The following BEND2 variants were observed in gnomAD, a reference collection of about 807,000 sequenced individuals.
BEND2 encodes BEN domain-containing protein 2.
In BEND2, 19 loss-of-function variants were observed where a neutral mutation model predicts 43.8. That is an observed-to-expected ratio of 0.43 (90% CI 0.30 to 0.64). The LOEUF (loss-of-function observed/expected upper bound fraction) is 0.64. Ranked by LOEUF, BEND2 falls within the 30% of genes least tolerant of loss-of-function variation. BEND2 has a pLI of 0.11. For synonymous variants in BEND2, 226 were observed against 210.1 expected (o/e 1.08, Z -0.66); for missense variants, 544 against 574.0 (o/e 0.95, Z 0.53).
chrX:18,220,815 T>C lies in BEND2; in HGVS notation c.-65A>G, dbSNP rs1043892379. The C allele has an allele frequency of 1.4e-5, 16 of 1,114,702 alleles. No individual in the cohort carries two copies. The South Asian group carries it at 3.2e-4, about 22-fold the overall frequency. The allele number at this position is 1,114,702 out of a possible 1,213,427, so 91.9% of individuals were successfully genotyped here. On this transcript the variant is annotated 5_prime_UTR_variant, in exon 1 of 14. Transcript: ENST00000380033. ...AGGCCCGAGACCTGAGGCCTACGTC[T>C]GCGCCGCGGCTCTGAGGTAACTGCT...
intron 4 of BEND2, among the ~76,000 whole-genome samples, chrX:18,210,535 C>T (rs766924301): frequency 4.5e-4 from 51 of 112,123 alleles, no homozygotes; most frequent in African/African-American, 1.5e-3. Context: ...ACTTAAGACA[C>T]CATTTTCATC....
At chrX:18,200,520 A>AAAG (rs1569124150) in intron 6 of BEND2, among the ~76,000 whole-genome samples, 2 of 109,106 alleles carry the variant, frequency 1.8e-5, no homozygotes, top group African/African-American at 6.7e-5. Context: ...AAAAAAAAAA[A>AAAG]AAGAAGAAAA....
At chrX:18,168,563 T>C (rs1923882491) in intron 13 of BEND2, among the ~76,000 whole-genome samples, 1 of 111,248 alleles carries the variant, frequency 9.0e-6, no homozygotes, top group South Asian at 3.8e-4. Context: ...GTATTTCCTA[T>C]AGCTAAGATT....
At chrX:18,185,279 A>G (rs1162965700) in intron 8 of BEND2, among the ~76,000 whole-genome samples, 1 of 109,226 alleles carries the variant, frequency 9.2e-6, no homozygotes, top group Non-Finnish European at 1.9e-5. Context: ...CTGCAATCCT[A>G]ACACTTTGGG....
chrX:18,189,379 C>T (rs1312151252), intron 8 of BEND2, among the ~76,000 whole-genome samples: 5 of 110,169 alleles, frequency 4.5e-5, no homozygotes, highest in African/African-American at 9.9e-5. Context: ...GCATGGTTGT[C>T]CATCCCTGTA....
Position 18,163,819 on chromosome X carries a change from T to C in BEND2, c.*1190A>G, listed in dbSNP as rs1923754579. On this transcript the variant is annotated 3_prime_UTR_variant, in exon 14 of 14. Transcript: ENST00000380033. ...AACTGCATGTATTTATGGGGTATGA[T>C]GTGGTATTTTGATCTATGTTTATAA... 1 of 111,937 alleles carries C rather than the reference T, an allele frequency of 8.9e-6. No homozygotes were observed. Among genetic ancestry groups the C allele is most frequent in the Non-Finnish European group, 1.9e-5 (1 of 53,212 alleles). The allele number at this position is 111,937 out of a possible 1,213,427, so 9.2% of individuals were successfully genotyped here. A position where few individuals can be genotyped will look rare whatever the true frequency, so the allele number is the denominator to read the frequency against.
Position 18,220,772 on chromosome X carries a change from T to TCTGAGGCCCGAGAC in BEND2, c.-36_-23dup. 1 of 1,204,132 alleles carries TCTGAGGCCCGAGAC rather than the reference T, an allele frequency of 8.3e-7. No homozygotes were observed. On this transcript the variant is annotated 5_prime_UTR_variant, in exon 1 of 14. Coordinates refer to ENST00000380033, the MANE Select transcript of BEND2 (RefSeq NM_153346.5). ...ACATCGTGAGATGGCGGGGTCTGGC[T>TCTGAGGCCCGAGAC]CTGAGGCCCGAGACCTGAGGCCCGA...
intron 8 of BEND2, among the ~76,000 whole-genome samples, chrX:18,185,286 TG>T (rs1474437892): frequency 4.6e-5 from 5 of 108,862 alleles, no homozygotes; most frequent in Admixed American, 3.0e-4. Flanking sequence ...CCTAACACTT[TG>T]GGGGGCCAAG....
At chrX:18,172,731 G>A (rs1924014535) in intron 12 of BEND2, among the ~76,000 whole-genome samples, 1 of 110,269 alleles carries the variant, frequency 9.1e-6, no homozygotes, top group Admixed American at 9.7e-5. Flanking sequence ...TGGTTTTTTT[G>A]CAGACTGATT....
At chrX:18,215,236 AATATTTCTATCATCCCCAAC>A (rs1282970795) in intron 2 of BEND2, among the ~76,000 whole-genome samples, 1 of 111,716 alleles carries the variant, frequency 9.0e-6, no homozygotes, top group Non-Finnish European at 1.9e-5. Context: ...CTATACCCAA[AATATTTCTATCATCCCCAAC>A]ATACACTCTG....
rs541373184 is a variant in BEND2, at chrX:18,215,878, G to A, written c.238+643C>T. On this transcript the variant is annotated intron_variant, in intron 2 of 13. Transcript: ENST00000380033. ...GGAAGAAATATTCCAAGGAGTTAAC[G>A]TCTCATGGCTCTCTGTACAAGTGAG... Among the ~76,000 whole-genome samples the A allele has an allele frequency of 3.6e-5, 4 of 111,990 alleles. No homozygotes were observed. The East Asian group carries it at 8.4e-4, about 24-fold the overall frequency.
chrX:18,208,171 G>GA (rs1925398650), intron 4 of BEND2, among the ~76,000 whole-genome samples: 1 of 110,770 alleles, frequency 9.0e-6, no homozygotes, highest in Non-Finnish European at 1.9e-5. Flanking sequence ...TTCATCACAA[G>GA]AAACTTCATT....
chrX:18,178,060 C>T (rs945107715), intron 9 of BEND2, among the ~76,000 whole-genome samples: 41 of 111,336 alleles, frequency 3.7e-4, no homozygotes, highest in African/African-American at 1.3e-3. Context: ...TTAGCTTGAA[C>T]ACATGTCATT....
chrX:18,209,367 G>A (rs1569127036), intron 4 of BEND2, among the ~76,000 whole-genome samples: 1 of 111,278 alleles, frequency 9.0e-6, no homozygotes, highest in Non-Finnish European at 1.9e-5. Context: ...GAGTTGAAGA[G>A]AAACAGGATA....
At chrX:18,202,496 C>T (rs975995438) in intron 5 of BEND2, among the ~76,000 whole-genome samples, 1 of 111,818 alleles carries the variant, frequency 8.9e-6, no homozygotes, top group African/African-American at 3.3e-5. Context: ...AGGCTTCACA[C>T]GGCATTTTGA....
chrX:18,194,050 G>A (rs1924861968), intron 7 of BEND2, among the ~76,000 whole-genome samples: 1 of 111,463 alleles, frequency 9.0e-6, no homozygotes, highest in African/African-American at 3.3e-5. Flanking sequence ...ATGGCTATAC[G>A]AAAACCTTCA....
intron 10 of BEND2, among the ~76,000 whole-genome samples, chrX:18,177,029 C>G (rs1235722635): frequency 9.0e-6 from 1 of 110,738 alleles, no homozygotes; most frequent in African/African-American, 3.3e-5. Context: ...TCAACATGTC[C>G]CTTTCTAGAC....
intron 9 of BEND2, among the ~76,000 whole-genome samples, chrX:18,179,060 G>A (rs1401140794): frequency 1.8e-5 from 2 of 110,628 alleles, no homozygotes; most frequent in African/African-American, 6.6e-5. Flanking sequence ...ACAGTCAACT[G>A]CCATAAATGT....
chrX:18,163,045 G>A lies in BEND2; in HGVS notation c.*1964C>T, dbSNP rs1923738150. ...CAGGCATTTAAAATGTTTAACATTG[G>A]ACTAATACAGTAATAGTATTAACTT... On this transcript the variant is annotated 3_prime_UTR_variant, in exon 14 of 14. Transcript: ENST00000380033. 8.9e-6 allele frequency: 1 copy of A among 111,947 alleles called. No individual in the cohort carries two copies. The highest frequency in any genetic ancestry group is 3.7e-4 in the South Asian group (1 of 2,716). The allele number at this position is 111,947 out of a possible 1,213,427, so 9.2% of individuals were successfully genotyped here.
Sources: gnomAD v4.1 joint callset for allele counts (sites outside exome capture counted in the v4.1 genomes callset) on GRCh38, gnomAD v4.1.1 for gene constraint, MANE v1.5 for transcripts, NCBI Gene and HGNC (gene_info 2026-07-23, HGNC 2026-07-21) for gene names.